The following ANKRD30B variants were observed in gnomAD, a reference collection of about 807,000 sequenced individuals.
ANKRD30B encodes ankyrin repeat domain-containing protein 30B.
ANKRD30B carries 144 observed loss-of-function variants against 202.2 expected under a neutral mutation model. The ratio of observed to expected loss-of-function variants is 0.71; its 90% CI spans 0.62 to 0.82. The LOEUF (loss-of-function observed/expected upper bound fraction) is 0.82, where lower values mean the gene tolerates loss of function less well. Ranked by LOEUF, ANKRD30B falls within the 40% of genes least tolerant of loss-of-function variation. ANKRD30B has a pLI of 0.00. For synonymous variants in ANKRD30B, 508 were observed against 561.3 expected (o/e 0.91, Z 1.34); for missense variants, 1,487 against 1,669.1 (o/e 0.89, Z 1.90).
intron 9 of ANKRD30B, among the ~76,000 whole-genome samples, chr18:14,775,032 C>A (rs1186203750): frequency 3.3e-5 from 5 of 152,142 alleles, no homozygotes; most frequent in Non-Finnish European, 7.4e-5. Flanking sequence ...GAGGCTGAGG[C>A]AGGAGAATGG....
intron 18 of ANKRD30B, 130 bp from the exon 19 acceptor site, chr18:14,797,531 C>A: frequency 9.5e-7 from 1 of 1,048,226 alleles, no homozygotes; most frequent in East Asian, 2.5e-5. Flanking sequence ...ACCCAAAGGA[C>A]CCCAAAACCT....
intron 32 of ANKRD30B, among the ~76,000 whole-genome samples, chr18:14,825,914 A>G (rs1970638349): frequency 6.6e-6 from 1 of 152,212 alleles, no homozygotes; most frequent in South Asian, 2.1e-4. Context: ...ATAAGTTTCC[A>G]CATGGGGAAT....
intron 15 of ANKRD30B, among the ~76,000 whole-genome samples, chr18:14,790,116 A>G (rs1323817016): frequency 2.0e-5 from 3 of 152,080 alleles, no homozygotes; most frequent in African/African-American, 4.8e-5. Flanking sequence ...GTCCCTTGTA[A>G]GTTGGATTCC....
chr18:14,880,278 C>A, the ANKRD30B span, among the ~76,000 whole-genome samples: 2 of 140,294 alleles, frequency 1.4e-5, no homozygotes, highest in Non-Finnish European at 3.2e-5. Flanking sequence ...GTTTTGCTAA[C>A]TATGGCCTTA....
Position 14,808,576 on chromosome 18 carries a change from G to T in ANKRD30B, c.2310G>T (p.Leu770=), listed in dbSNP as rs775958284. Residue 770 remains leucine (L), a synonymous_variant, in exon 25 of 44, where the codon CTG becomes CTT. Coordinates refer to ENST00000690538, the MANE Select transcript of ANKRD30B (RefSeq NM_001367607.2). ...AGTCTCCTGATAAAGATGGTCTTCT[G>T]AAGGTAATTACTTTTATATTTCTAT... ...LEESPDKDGL[L]KPTCGRKVSL... 4.2e-5 allele frequency: 65 copies of T among 1,548,384 alleles called. No homozygotes were observed. Among genetic ancestry groups the T allele is most frequent in the Non-Finnish European group, 5.1e-5 (57 of 1,125,944 alleles).
intron 12 of ANKRD30B, among the ~76,000 whole-genome samples, chr18:14,783,103 G>A (rs1009811619): frequency 6.6e-6 from 1 of 152,086 alleles, no homozygotes; most frequent in Non-Finnish European, 1.5e-5. Flanking sequence ...CACTACTGGG[G>A]AGGCATTAGG....
chr18:14,904,589 C>A, the ANKRD30B span, among the ~76,000 whole-genome samples: 1 of 152,164 alleles, frequency 6.6e-6, no homozygotes, highest in African/African-American at 2.4e-5. Context: ...CATTCTCCCT[C>A]ATGTCTATAT....
At chr18:14,883,357 C>CTG in the ANKRD30B span, among the ~76,000 whole-genome samples, 138 of 115,662 alleles carry the variant, frequency 1.2e-3, 2 homozygotes, top group Middle Eastern at 4.4e-3. Flanking sequence ...CTTTCTCTCT[C>CTG]TCTGTCTGTC....
chr18:14,919,663 GA>G, the ANKRD30B span, among the ~76,000 whole-genome samples: 1 of 152,104 alleles, frequency 6.6e-6, no homozygotes, highest in Non-Finnish European at 1.5e-5. Flanking sequence ...TCAAGGAGGG[GA>G]AAAAAGTTTC....
chr18:14,924,470 A>C, the ANKRD30B span, among the ~76,000 whole-genome samples: 1 of 152,210 alleles, frequency 6.6e-6, no homozygotes, highest in Admixed American at 6.5e-5. Context: ...TGTGCTAGGC[A>C]GAGGGGTAAA....
intron 4 of ANKRD30B, 42 bp from the exon 5 acceptor site, chr18:14,757,773 A>C (rs2143681124): frequency 6.3e-7 from 1 of 1,595,540 alleles, no homozygotes; most frequent in East Asian, 2.2e-5. Context: ...GCACATATTA[A>C]ATTGATTCTG....
intron 6 of ANKRD30B, among the ~76,000 whole-genome samples, chr18:14,763,234 G>T (rs1479143280): frequency 6.6e-6 from 1 of 152,046 alleles, no homozygotes; most frequent in Non-Finnish European, 1.5e-5. Context: ...TATATCCAAG[G>T]TGAAGAATTA....
At chr18:14,798,191 C>T (rs1478963230) in intron 20 of ANKRD30B, among the ~76,000 whole-genome samples, 2 of 146,552 alleles carry the variant, frequency 1.4e-5, no homozygotes, top group African/African-American at 2.5e-5. Flanking sequence ...ACCGCCTTGT[C>T]GTCCCGTGGT....
chr18:14,793,429 T>G, intron 16 of ANKRD30B, among the ~76,000 whole-genome samples: 1 of 152,278 alleles, frequency 6.6e-6, no homozygotes, highest in Non-Finnish European at 1.5e-5. Flanking sequence ...ATTTTCTCAG[T>G]GTCATGATTT....
chr18:14,759,251 T>G (rs1485226030), intron 5 of ANKRD30B: 1 of 152,214 alleles, frequency 6.6e-6, no homozygotes, highest in Non-Finnish European at 1.5e-5. Context: ...GCAAGGTCCC[T>G]GCACAAGGAT....
intron 39 of ANKRD30B, among the ~76,000 whole-genome samples, chr18:14,847,093 T>TATATATATATAG (rs1292553217): frequency 7.6e-6 from 1 of 131,406 alleles, no homozygotes; most frequent in African/African-American, 2.9e-5. Context: ...TATATATATA[T>TATATATATATAG]GTATAATGTT....
chr18:14,865,399 C>A, the ANKRD30B span, among the ~76,000 whole-genome samples: 1 of 151,384 alleles, frequency 6.6e-6, no homozygotes. Context: ...CCCCCTCCAT[C>A]TACTCAAAAT....
At chr18:14,806,044 C>A (rs1388362739) in intron 24 of ANKRD30B, among the ~76,000 whole-genome samples, 1 of 149,920 alleles carries the variant, frequency 6.7e-6, no homozygotes, top group Non-Finnish European at 1.5e-5. Context: ...CACGGTGAAA[C>A]CCCATCTCTA....
At chr18:14,779,582 A>T (rs1485222402) in intron 10 of ANKRD30B, among the ~76,000 whole-genome samples, 1 of 152,208 alleles carries the variant, frequency 6.6e-6, no homozygotes, top group East Asian at 1.9e-4. Flanking sequence ...AGTCAATCAA[A>T]CTAAGTAATA....
Sources: gnomAD v4.1 joint callset for allele counts (sites outside exome capture counted in the v4.1 genomes callset) on GRCh38, gnomAD v4.1.1 for gene constraint, MANE v1.5 for transcripts, NCBI Gene and HGNC (gene_info 2026-07-23, HGNC 2026-07-21) for gene names.